HACE1: variants seen among roughly 807,000 people sequenced by gnomAD.
The protein encoded by HACE1 is E3 ubiquitin-protein ligase HACE1.
A neutral mutation model predicts 118.4 loss-of-function variants in HACE1; 73 were observed. The ratio of observed to expected loss-of-function variants is 0.62; its 90% CI spans 0.51 to 0.75. The LOEUF is 0.75. Ranked by LOEUF, HACE1 falls within the 30% of genes least tolerant of loss-of-function variation. The pLI is 0.00. For synonymous variants in HACE1, 368 were observed against 374.8 expected (o/e 0.98, Z 0.21); for missense variants, 749 against 1,102.2 (o/e 0.68, Z 4.54).
intron 19 of HACE1, among the ~76,000 whole-genome samples, chr6:104,761,476 G>A (rs1357766922): frequency 6.6e-6 from 1 of 152,142 alleles, no homozygotes; most frequent in African/African-American, 2.4e-5. Flanking sequence ...AAATGGTTTT[G>A]GGAAAACTGG....
chr6:104,859,474 T>C, intron 1 of HACE1, 93 bp downstream of exon 1: 1 of 955,784 alleles, frequency 1.0e-6, no homozygotes, highest in East Asian at 3.1e-5. Flanking sequence ...AGCTTTCAGT[T>C]AGTTTTTCCA....
At chr6:104,825,151 C>A (rs186100921) in intron 6 of HACE1, among the ~76,000 whole-genome samples, 289 of 151,740 alleles carry the variant, frequency 1.9e-3, no homozygotes, top group African/African-American at 6.7e-3. Context: ...AATGATCCTG[C>A]ATTTGAGTGG....
At chr6:104,817,002 T>C (rs1772189112) in intron 6 of HACE1, among the ~76,000 whole-genome samples, 1 of 152,168 alleles carries the variant, frequency 6.6e-6, no homozygotes. Flanking sequence ...ACTTGGAGCA[T>C]TCACTCAATG....
intron 7 of HACE1, among the ~76,000 whole-genome samples, chr6:104,803,176 G>C (rs1770585997): frequency 6.6e-6 from 1 of 152,068 alleles, no homozygotes; most frequent in African/African-American, 2.4e-5. Context: ...CCAATAATAG[G>C]CTCTGAAATT....
chr6:104,810,748 C>T (rs1771511736), intron 7 of HACE1, among the ~76,000 whole-genome samples: 1 of 151,944 alleles, frequency 6.6e-6, no homozygotes, highest in African/African-American at 2.4e-5. Flanking sequence ...ACAAAATGTA[C>T]ACGTCAAGAA....
intron 5 of HACE1, among the ~76,000 whole-genome samples, chr6:104,834,152 AAAAAAAAATCGTTTT>A (rs1308535535): frequency 1.3e-5 from 2 of 152,128 alleles, no homozygotes; most frequent in African/African-American, 4.8e-5. Context: ...ATTTCCAAAA[AAAAAAAAATCGTTTT>A]AAAATAACTC....
chr6:104,770,064 T>C (rs1426614521), intron 19 of HACE1, among the ~76,000 whole-genome samples: 3 of 152,192 alleles, frequency 2.0e-5, no homozygotes, highest in African/African-American at 4.8e-5. Flanking sequence ...AAAACTGAGT[T>C]CGAAGAATTG....
In HACE1 at chr6:104,785,322, G is replaced by A. The variant is rs202110306; in HGVS notation, c.1075-3C>T. 203 of 1,554,954 alleles carry A rather than the reference G, an allele frequency of 1.3e-4. No homozygotes were observed. Among genetic ancestry groups the A allele is most frequent in the Non-Finnish European group, 1.7e-4 (188 of 1,128,598 alleles). ...GAGTGCCAAAGCAATTCCAGAGGCT[G>A]AGAGAAACAAAAGTGTTTTTTAAAC... On this transcript the variant is annotated splice_region_variant and splice_polypyrimidine_tract_variant and intron_variant, in intron 11 of 23. Transcript: ENST00000262903.
intron 5 of HACE1, among the ~76,000 whole-genome samples, chr6:104,839,716 C>T (rs1774906951): frequency 6.6e-6 from 1 of 151,980 alleles, no homozygotes. Context: ...ACAATTAAAA[C>T]TGAGGAAGGC....
At chr6:104,818,101 T>G (rs1423616076) in intron 6 of HACE1, among the ~76,000 whole-genome samples, 1 of 152,142 alleles carries the variant, frequency 6.6e-6, no homozygotes, top group Non-Finnish European at 1.5e-5. Flanking sequence ...CTATTTAAAT[T>G]TACTTCTACC....
chr6:104,809,599 G>A (rs1165334039), intron 7 of HACE1, among the ~76,000 whole-genome samples: 1 of 151,488 alleles, frequency 6.6e-6, no homozygotes, highest in Admixed American at 6.6e-5. Context: ...ATGTAACAAC[G>A]AGGCACTGAA....
chr6:104,795,660 GAC>G lies in HACE1; in HGVS notation c.840_841del (p.Leu280PhefsTer5). 6.2e-7 allele frequency: 1 copy of G among 1,612,066 alleles called. No homozygotes were observed. The highest frequency in any genetic ancestry group is 1.7e-5 in the Admixed American group (1 of 59,992). On this transcript the variant is annotated frameshift_variant, in exon 10 of 24. Transcript: ENST00000262903. LOFTEE classifies it high-confidence loss of function. ...TAGGTACTGGCTTTCACTTTGCTGA[GAC>G]AAATGCTCCAGAACTTGCCGTAACT...
intron 20 of HACE1, among the ~76,000 whole-genome samples, chr6:104,747,700 T>C (rs555946095): frequency 5.3e-5 from 8 of 152,286 alleles, no homozygotes; most frequent in African/African-American, 1.9e-4. Flanking sequence ...TTCTTTGGCC[T>C]AGTTTTCTCA....
intron 5 of HACE1, among the ~76,000 whole-genome samples, chr6:104,841,888 T>C (rs2115157932): frequency 6.6e-6 from 1 of 152,310 alleles, no homozygotes; most frequent in East Asian, 1.9e-4. Flanking sequence ...ACAATTTGGT[T>C]AAAACTTTGG....
At chr6:104,734,231 AC>A (rs1488934833) in intron 22 of HACE1, among the ~76,000 whole-genome samples, 1 of 152,064 alleles carries the variant, frequency 6.6e-6, no homozygotes, top group African/African-American at 2.4e-5. Flanking sequence ...TTATAGAGCA[AC>A]AAAATATTAA....
chr6:104,742,856 TG>T (rs2114497919), intron 22 of HACE1, among the ~76,000 whole-genome samples: 1 of 152,130 alleles, frequency 6.6e-6, no homozygotes, highest in South Asian at 2.1e-4. Flanking sequence ...TAAAGACACA[TG>T]CACACATATG....
chr6:104,822,571 A>C (rs940049643), intron 6 of HACE1, among the ~76,000 whole-genome samples: 7 of 149,526 alleles, frequency 4.7e-5, no homozygotes, highest in Non-Finnish European at 7.4e-5. Context: ...AAATAAAAAA[A>C]GTAGGCCGAG....
chr6:104,831,507 C>G (rs2115075489), intron 6 of HACE1, among the ~76,000 whole-genome samples: 1 of 151,990 alleles, frequency 6.6e-6, no homozygotes, highest in Middle Eastern at 3.4e-3. Flanking sequence ...ATCACTTAAA[C>G]CTGGGAGGCA....
intron 4 of HACE1, among the ~76,000 whole-genome samples, chr6:104,848,078 C>T (rs1467724815): frequency 6.6e-6 from 1 of 151,612 alleles, no homozygotes; most frequent in Non-Finnish European, 1.5e-5. Flanking sequence ...TCTCAAACTC[C>T]TGACCTCAGA....
Sources: gnomAD v4.1 joint callset for allele counts (sites outside exome capture counted in the v4.1 genomes callset) on GRCh38, gnomAD v4.1.1 for gene constraint, MANE v1.5 for transcripts, NCBI Gene and HGNC (gene_info 2026-07-23, HGNC 2026-07-21) for gene names.